The following IAH1 variants were observed in gnomAD, a reference collection of about 807,000 sequenced individuals.
IAH1 encodes isoamyl acetate hydrolyzing esterase 1 (putative).
IAH1 carries 24 observed loss-of-function variants against 26.7 expected under a neutral mutation model. That is an observed-to-expected ratio of 0.90 (90% CI 0.65 to 1.26). The LOEUF is 1.26. Ranked by LOEUF, IAH1 falls within the 50% of genes most tolerant of loss-of-function variation. IAH1 has a pLI of 0.00. For synonymous variants in IAH1, 140 were observed against 118.5 expected (o/e 1.18, Z -1.18); for missense variants, 300 against 299.9 (o/e 1.00, Z 0.00).
exon 7 of IAH1, chr2:9,496,433 T>C (rs1280361119): frequency 1.5e-5 from 2 of 134,958 alleles, no homozygotes; most frequent in Non-Finnish European, 2.9e-5. Flanking sequence ...CCTGGCTCTC[T>C]GTCTATTTTG....
At chr2:9,494,841 C>G (rs1662445739) in exon 6 of IAH1, 2 of 1,562,840 alleles carry the variant, frequency 1.3e-6, no homozygotes, top group South Asian at 2.3e-5. Flanking sequence ...TCTTTCCTCC[C>G]TGACCATGCT....
At chr2:9,490,292 G>A (rs1325157403), downstream of IAH1, 6 of 1,614,086 alleles carry the variant, frequency 3.7e-6, no homozygotes, top group South Asian at 4.4e-5. Flanking sequence ...CTTGGCAGCT[G>A]TGCTGCTATT....
chr2:9,491,047 T>A (rs1662097698), downstream of IAH1: 3 of 1,530,648 alleles, frequency 2.0e-6, no homozygotes, highest in African/African-American at 1.4e-5. Flanking sequence ...GGTCTTTGCC[T>A]AACAGGGCCT....
At chr2:9,475,229 G>A (rs1682414330) in intron 1 of IAH1, 2 of 1,285,122 alleles carry the variant, frequency 1.6e-6, no homozygotes, top group Non-Finnish European at 1.0e-6. Context: ...TTCTTACTTC[G>A]GGGAGGGAGT....
intron 1 of IAH1, 179 bp from the exon 2 acceptor site, chr2:9,475,808 C>A (rs1479497201): frequency 1.6e-6 from 1 of 617,696 alleles, no homozygotes; most frequent in African/African-American, 1.9e-5. Flanking sequence ...AGAAAAATCC[C>A]CCTCTGCTAA....
intron 3 of IAH1, among the ~76,000 whole-genome samples, chr2:9,479,795 C>CTTTTTTTGTTTTTT (rs1661051186): frequency 1.4e-5 from 1 of 69,848 alleles, no homozygotes; most frequent in Non-Finnish European, 2.5e-5. Context: ...CTGTGTATTG[C>CTTTTTTTGTTTTTT]TTTTTTTTTT....
At chr2:9,510,532 C>T in the IAH1 span, among the ~76,000 whole-genome samples, 1 of 152,214 alleles carries the variant, frequency 6.6e-6, no homozygotes, top group East Asian at 1.9e-4. Context: ...GGCATGGAGG[C>T]ACGCGCCTGT....
downstream of IAH1, chr2:9,493,848 C>G (rs1051166977): frequency 1.9e-6 from 3 of 1,581,400 alleles, no homozygotes; most frequent in Non-Finnish European, 2.6e-6. Context: ...AACATACATA[C>G]AGCATCATTC....
intron 1 of IAH1, chr2:9,475,091 G>A: frequency 4.0e-6 from 5 of 1,243,694 alleles, no homozygotes; most frequent in East Asian, 5.9e-5. Flanking sequence ...ATTCCCTGCG[G>A]GCACAGGTGG....
intron 5 of IAH1, chr2:9,485,893 G>A (rs1661448964): frequency 6.6e-6 from 1 of 152,218 alleles, no homozygotes; most frequent in Admixed American, 6.6e-5. Flanking sequence ...AGCTTGGACG[G>A]GACTGATGAT....
chr2:9,486,747 TGAACCCG>T (rs1041762930), intron 5 of IAH1: 3 of 151,666 alleles, frequency 2.0e-5, no homozygotes, highest in African/African-American at 7.3e-5. Flanking sequence ...GAGAATCACC[TGAACCCG>T]GGAGGCAGAG....
rs34525911 is a variant in IAH1 at position 9,489,259 on chromosome 2, A to ATTTTTTTTTT, written c.*945_*954dup. 2.5e-4 allele frequency: 22 copies of ATTTTTTTTTT among 87,396 alleles called. 1 individual carries two copies. The highest frequency in any genetic ancestry group is 1.4e-3 in the African/African-American group (22 of 15,526). The allele number at this position is 87,396 out of a possible 1,614,324, so 5.4% of individuals were successfully genotyped here. ...AATATTCTAGGTTTGTAGATAGTGAATTTTTTTTTTTTTTTTTTTTTTTTG... is the reference window on the plus strand; with the variant it reads ...AATATTCTAGGTTTGTAGATAGTGAATTTTTTTTTTTTTTTTTTTTTTTTTTTTTTTTTTG... On this transcript the variant is annotated 3_prime_UTR_variant, in exon 6 of 6. Transcript: ENST00000497473.
At chr2:9,498,225 A>G (rs1020850924), downstream of IAH1, among the ~76,000 whole-genome samples, 3 of 151,806 alleles carry the variant, frequency 2.0e-5, no homozygotes, top group African/African-American at 7.3e-5. Flanking sequence ...GAGAGACGAG[A>G]TCTCCCTGTG....
At chr2:9,476,257 TCAGA>T (rs1279750579) in intron 2 of IAH1, among the ~76,000 whole-genome samples, 1 of 152,226 alleles carries the variant, frequency 6.6e-6, no homozygotes, top group East Asian at 1.9e-4. Context: ...CTGGGTAGAC[TCAGA>T]CAAATCAAGG....
At chr2:9,503,261 C>T in the IAH1 span, among the ~76,000 whole-genome samples, 2 of 151,982 alleles carry the variant, frequency 1.3e-5, no homozygotes, top group East Asian at 3.9e-4. Context: ...TTAATATGCA[C>T]TGTATCCAGT....
downstream of IAH1, among the ~76,000 whole-genome samples, chr2:9,500,285 A>C (rs1662921596): frequency 6.6e-6 from 1 of 152,242 alleles, no homozygotes; most frequent in African/African-American, 2.4e-5. Context: ...CAGTGAAAGA[A>C]GCCAGTCATA....
In IAH1 at chr2:9,474,652, G is replaced by C. The variant is rs543844705; in HGVS notation, c.81+5G>C. ...TTCGGGGACTCCATCACCCAGGTAC[G>C]GCCGCCCCGACGCTCGGCCTCCCGC... On this transcript the variant is annotated splice_donor_5th_base_variant and intron_variant, in intron 1 of 5. Transcript: ENST00000497473. This position sits in a 1 kb window ranked among gnomAD's most constrained non-coding sequence, Gnocchi z 4.3. 8 of 1,543,124 alleles carry C rather than the reference G, an allele frequency of 5.2e-6. No individual in the cohort carries two copies. In the Admixed American group the frequency reaches 9.7e-5, roughly 19 times the overall value.
At position 9,489,132 on chromosome 2, in the gene IAH1, A is replaced by T. The variant is rs1211401333; in HGVS notation, c.*803A>T. ...TAGTATTCTATCTCCTGGCTGGCTC[A>T]TCACATTCAAAACAACCTGTTTTTT... On this transcript the variant is annotated 3_prime_UTR_variant, in exon 6 of 6. Transcript: ENST00000497473. 1 of 148,454 alleles carries T rather than the reference A, an allele frequency of 6.7e-6. No individual in the cohort carries two copies. Among genetic ancestry groups the T allele is most frequent in the Non-Finnish European group, 1.5e-5 (1 of 66,950 alleles). 9.2% of individuals were successfully genotyped at this position (148,454 alleles called of 1,614,324 possible).
the IAH1 span, among the ~76,000 whole-genome samples, chr2:9,511,647 A>T: frequency 4.9e-4 from 75 of 152,116 alleles, no homozygotes; most frequent in African/African-American, 1.8e-3. Flanking sequence ...TAAAGCTAAA[A>T]TTTTTTTTCC....
Sources: allele counts gnomAD v4.1 joint callset (sites outside exome capture counted in the v4.1 genomes callset), GRCh38; gene constraint gnomAD v4.1.1; non-coding constraint Gnocchi (gnomAD v3.1); transcripts MANE v1.5; gene names NCBI Gene and HGNC (gene_info 2026-07-23, HGNC 2026-07-21).